Variants in FANCA observed in about 807,000 individuals in gnomAD.
FANCA encodes the protein FA complementation group A, also known as Fanconi anemia group A protein.
In FANCA, 236 loss-of-function variants were observed where a neutral mutation model predicts 194.3. That is an observed-to-expected ratio of 1.21 (90% CI 1.09 to 1.35). The LOEUF is 1.35. FANCA is among the 40% of genes most tolerant of loss of function. The probability of loss-of-function intolerance (pLI) is 0.00; values close to 1 mark genes in which losing one functional copy is unlikely to be tolerated. For synonymous variants in FANCA, 1,014 were observed against 715.8 expected (o/e 1.42, Z -6.65); for missense variants, 2,628 against 1,813.9 (o/e 1.45, Z -8.15).
intron 7 of FANCA, among the ~76,000 whole-genome samples, 196 bp downstream of exon 7, chr16:89,805,084 C>T (rs1267104829): frequency 6.6e-6 from 1 of 152,048 alleles, no homozygotes; most frequent in African/African-American, 2.4e-5. Flanking sequence ...ATGTCAAGGC[C>T]GACTTACTAG....
At position 89,740,823 on chromosome 16, in the gene FANCA, G is replaced by A. The variant is rs752800577; in HGVS notation, c.3809C>T (p.Ser1270Leu). Residue 1270 changes from serine (S) to leucine (L), a missense_variant, in exon 38 of 43, where the codon TCG becomes TTG. By Grantham distance (145) the Ser-to-Leu change is moderately radical (BLOSUM62 -2). Transcript: ENST00000389301. ...LFFFSLMGLL[S>L]SHLTSNSTTD... ...ACTTACATTTGAGGTCAGATGTGACGACAGCAGGCCCATCAAGGAGAAGAA... is the reference window on the plus strand; with the variant it reads ...ACTTACATTTGAGGTCAGATGTGACAACAGCAGGCCCATCAAGGAGAAGAA... The A allele has an allele frequency of 5.6e-6, 9 of 1,613,518 alleles. No homozygotes were observed. The highest frequency in any genetic ancestry group is 1.6e-4 in the Middle Eastern group (1 of 6,084).
chr16:89,788,811 G>GA (rs760379132), intron 14 of FANCA, among the ~76,000 whole-genome samples: 1 of 151,234 alleles, frequency 6.6e-6, no homozygotes, highest in African/African-American at 2.4e-5. Flanking sequence ...AACACAAACA[G>GA]AAAAAAACAA....
Position 89,815,934 on chromosome 16 carries a change from C to T in FANCA, c.132G>A (p.Lys44=), listed in dbSNP as rs200428379. 3.1e-6 allele frequency: 5 copies of T among 1,614,150 alleles called. No homozygotes were observed. Among genetic ancestry groups the T allele is most frequent in the South Asian group, 1.1e-5 (1 of 91,084 alleles). Reference sequence around the variant, plus strand: ...TTCGCAGGAGGCGCACAGCTGATTCCTTTAATTTCTGTGCCCTTTCAGGAT... The same window carrying T: ...TTCGCAGGAGGCGCACAGCTGATTCTTTTAATTTCTGTGCCCTTTCAGGAT... ...KYNPERAQKL[K]ESAVRLLRSH... is the part of the protein sequence containing the mutation. Residue 44 remains lysine, a synonymous_variant, in exon 2 of 43, where the codon AAG becomes AAA. Transcript: ENST00000389301.
At chr16:89,792,195 G>C in intron 12 of FANCA, 127 bp from the exon 13 acceptor site, 1 of 1,142,808 alleles carries the variant, frequency 8.8e-7, no homozygotes, top group Non-Finnish European at 1.3e-6. Flanking sequence ...GTAACACATG[G>C]AGCTGTGACA....
chr16:89,742,783 A>C lies in FANCA; in HGVS notation c.3765+17T>G. The C allele has an allele frequency of 6.2e-7, 1 of 1,613,938 alleles. No homozygotes were observed. Among genetic ancestry groups the C allele is most frequent in the Non-Finnish European group, 8.5e-7 (1 of 1,179,940 alleles). The stretch of plus-strand genomic sequence containing the variant: ...GCTTGCGAGAAAATAAATCAGTAAA[A>C]GAATTTCCTATCTTGCCTCCTCTCT... On this transcript the variant is annotated intron_variant, in intron 37 of 42. Coordinates refer to ENST00000389301, the MANE Select transcript of FANCA (RefSeq NM_000135.4).
intron 23 of FANCA, among the ~76,000 whole-genome samples, chr16:89,771,155 CAA>C (rs34471552): frequency 5.5e-4 from 31 of 56,598 alleles, no homozygotes; most frequent in Admixed American, 1.5e-3. Context: ...AAGACTCAGT[CAA>C]AAAAAAAAAA....
At chr16:89,774,238 G>C (rs935488948) in intron 21 of FANCA, among the ~76,000 whole-genome samples, 1 of 152,190 alleles carries the variant, frequency 6.6e-6, no homozygotes, top group South Asian at 2.1e-4. Flanking sequence ...GGCTCTAGGA[G>C]TCTGTGCATA....
chr16:89,741,206 A>G (rs1198926745), intron 37 of FANCA, among the ~76,000 whole-genome samples: 2 of 152,298 alleles, frequency 1.3e-5, no homozygotes, highest in African/African-American at 4.8e-5. Flanking sequence ...AAGTGTTTGT[A>G]AAATCCTTGA....
At chr16:89,759,091 C>T (rs986428554) in intron 29 of FANCA, among the ~76,000 whole-genome samples, 3 of 151,492 alleles carry the variant, frequency 2.0e-5, no homozygotes, top group South Asian at 2.1e-4. Context: ...GAGGCTCAGG[C>T]GGGCGGATCA....
intron 28 of FANCA, 60 bp from the exon 29 acceptor site, chr16:89,762,082 G>A: frequency 7.5e-7 from 1 of 1,339,560 alleles, no homozygotes; most frequent in Non-Finnish European, 1.1e-6. Context: ...CCACCGACAG[G>A]TTTATAAACC....
chr16:89,778,803 C>A lies in FANCA; in HGVS notation c.1824G>T (p.Lys608Asn). The change falls in exon 20 of 43, where the codon AAG becomes AAT. Residue 608 changes from lysine (K) to asparagine (N), a missense_variant and splice_region_variant. Physicochemically the swap from Lys to Asn is moderately conservative, Grantham distance 94. Coordinates refer to ENST00000389301, the MANE Select transcript of FANCA (RefSeq NM_000135.4). ...CCCTTCTAACCGTTGCTGCATACCT[C>A]TTCAGAGACTCTATAAACGCCACAC... ...DSRVAFIESL[K>N]RADKIPPSLY... 6.2e-7 allele frequency: 1 copy of A among 1,614,062 alleles called. No individual in the cohort carries two copies. The highest frequency in any genetic ancestry group is 1.3e-5 in the African/African-American group (1 of 75,034).
chr16:89,814,663 C>T, intron 2 of FANCA, 50 bp from the exon 3 acceptor site: 6 of 1,395,484 alleles, frequency 4.3e-6, no homozygotes, highest in Non-Finnish European at 6.1e-6. Context: ...AAGCTCCAGG[C>T]CAGGCGTAGT....
intron 27 of FANCA, among the ~76,000 whole-genome samples, chr16:89,765,844 G>A (rs999169893): frequency 6.6e-6 from 1 of 152,168 alleles, no homozygotes; most frequent in Non-Finnish European, 1.5e-5. Flanking sequence ...AAGTTCCTCA[G>A]AGGAAATAAC....
rs1448463647 is a variant in FANCA, at chr16:89,771,803, G to A, written c.2026C>T (p.Gln676Ter). ...AGTCTTTCAGAAATCACTGCCACCTGTGCCGATATAACTGCGAAGGAAGAA... is the reference window on the plus strand; with the variant it reads ...AGTCTTTCAGAAATCACTGCCACCTATGCCGATATAACTGCGAAGGAAGAA... ...DPSQRDVISA[Q>*]VAVISERLRA... is the part of the protein sequence containing the mutation. The change falls in exon 23 of 43, where the codon CAG becomes TAG. Residue 676 changes from glutamine (Q) to a stop codon, truncating the protein, a stop_gained. Transcript: ENST00000389301. LOFTEE classifies it high-confidence loss of function. 4.3e-6 allele frequency: 7 copies of A among 1,613,808 alleles called. No individual in the cohort carries two copies. The highest frequency in any genetic ancestry group is 5.9e-6 in the Non-Finnish European group (7 of 1,180,044).
At chr16:89,752,259 G>T in intron 30 of FANCA, 37 bp from the exon 31 acceptor site, 1 of 1,537,498 alleles carries the variant, frequency 6.5e-7, no homozygotes, top group Non-Finnish European at 9.0e-7. Context: ...CCTCAGTATC[G>T]CCTAATAGTG....
At chr16:89,761,195 G>A (rs561023507) in intron 29 of FANCA, among the ~76,000 whole-genome samples, 3 of 152,268 alleles carry the variant, frequency 2.0e-5, no homozygotes, top group African/African-American at 7.2e-5. Context: ...CAAGGCAAGT[G>A]GATCACGAGG....
At chr16:89,783,606 A>T (rs1228448496) in intron 15 of FANCA, among the ~76,000 whole-genome samples, 3 of 151,988 alleles carry the variant, frequency 2.0e-5, no homozygotes, top group Admixed American at 1.3e-4. Context: ...CCCAGGTGAA[A>T]AATCAAGAAA....
chr16:89,751,310 G>A (rs1443081338), intron 31 of FANCA, among the ~76,000 whole-genome samples: 1 of 151,978 alleles, frequency 6.6e-6, no homozygotes. Context: ...GACAAGCCTG[G>A]GCAACATGGC....
intron 6 of FANCA, among the ~76,000 whole-genome samples, chr16:89,807,224 C>T (rs12934275): frequency 0.014 from 2,023 of 149,014 alleles, 37 homozygotes; most frequent in South Asian, 0.096. Context: ...TGCTCTAGGC[C>T]GAGGCGGGAG....
Sources: allele counts gnomAD v4.1 joint callset (sites outside exome capture counted in the v4.1 genomes callset), GRCh38; gene constraint gnomAD v4.1.1; transcripts MANE v1.5; gene names NCBI Gene and HGNC (gene_info 2026-07-23, HGNC 2026-07-21).